MAPKAP1: variants seen among roughly 807,000 people sequenced by gnomAD.
The protein encoded by MAPKAP1 is target of rapamycin complex 2 subunit MAPKAP1.
A neutral mutation model predicts 65.7 loss-of-function variants in MAPKAP1; 20 were observed. The ratio of observed to expected loss-of-function variants is 0.30; its 90% CI spans 0.21 to 0.44. The LOEUF (loss-of-function observed/expected upper bound fraction) is 0.44, where lower values mean the gene tolerates loss of function less well. Ranked by LOEUF, MAPKAP1 falls within the 20% of genes least tolerant of loss-of-function variation. MAPKAP1 has a pLI of 1.00. For synonymous variants in MAPKAP1, 222 were observed against 244.3 expected (o/e 0.91, Z 0.85); for missense variants, 423 against 648.0 (o/e 0.65, Z 3.77).
At chr9:125,500,654 T>C (rs895927247) in intron 8 of MAPKAP1, among the ~76,000 whole-genome samples, 2 of 152,230 alleles carry the variant, frequency 1.3e-5, no homozygotes, top group African/African-American at 4.8e-5. Context: ...GGAACAATTA[T>C]TGTCTCTGGA....
intron 9 of MAPKAP1, among the ~76,000 whole-genome samples, chr9:125,468,582 C>T (rs1013645281): frequency 6.6e-6 from 1 of 152,228 alleles, no homozygotes; most frequent in Non-Finnish European, 1.5e-5. Flanking sequence ...TACCAATGAA[C>T]AGCTTCTGAT....
intron 5 of MAPKAP1, among the ~76,000 whole-genome samples, chr9:125,579,948 A>T (rs1447497279): frequency 6.6e-6 from 1 of 152,206 alleles, no homozygotes; most frequent in East Asian, 1.9e-4. Flanking sequence ...ACTATTTAAA[A>T]ATGTCATATA....
chr9:125,601,013 G>T (rs1025583177), intron 4 of MAPKAP1, among the ~76,000 whole-genome samples: 52 of 151,692 alleles, frequency 3.4e-4, no homozygotes, highest in African/African-American at 6.8e-4. Flanking sequence ...GTAAAAATTG[G>T]TTTTTTTTAA....
rs1013390071 is a variant in MAPKAP1 at position 125,704,728 on chromosome 9, A to C, written c.-70+2243T>G. Among the ~76,000 whole-genome samples, 10 of 152,286 alleles carry C rather than the reference A, an allele frequency of 6.6e-5. No individual in the cohort carries two copies. The East Asian group carries it at 1.2e-3, about 18-fold the overall frequency. On this transcript the variant is annotated intron_variant, in intron 1 of 11. Coordinates refer to ENST00000265960, the MANE Select transcript of MAPKAP1 (RefSeq NM_001006617.3). ...TTACGTCCTTGTACCCTGCTAAAAG[A>C]AGCAATGACTTGCATGACTCAGGCT...
At chr9:125,504,612 C>T (rs1459562493) in intron 8 of MAPKAP1, among the ~76,000 whole-genome samples, 3 of 151,874 alleles carry the variant, frequency 2.0e-5, no homozygotes, top group Non-Finnish European at 2.9e-5. Flanking sequence ...TCCACCTCTA[C>T]TAAAAATAAA....
intron 4 of MAPKAP1, among the ~76,000 whole-genome samples, chr9:125,631,831 C>G (rs1287863203): frequency 6.6e-6 from 1 of 152,168 alleles, no homozygotes; most frequent in African/African-American, 2.4e-5. Flanking sequence ...CTAACCTCCT[C>G]CCATCCTTCA....
chr9:125,585,672 G>A lies in MAPKAP1; in HGVS notation c.554C>T (p.Ser185Leu), dbSNP rs777744523. The A allele has an allele frequency of 2.1e-5, 34 of 1,614,100 alleles. No homozygotes were observed. The highest frequency in any genetic ancestry group is 1.3e-4 in the African/African-American group (10 of 74,930). ...CATTGGCAGCAGTCTGTCCTGGCTC[G>A]AGTGCAGAGGGAGGTAGACATCGAT... is the stretch of plus-strand genomic sequence containing the variant. Reference protein sequence around the residue: ...KKIDVYLPLHSSQDRLLPMTV... With the variant: ...KKIDVYLPLHLSQDRLLPMTV... The change falls in exon 5 of 12, where the codon TCG becomes TTG. Residue 185 changes from serine (S) to leucine (L), a missense_variant. Physicochemically the swap from Ser to Leu is moderately radical, Grantham distance 145. Around this residue, in one of 6 missense-constraint regions of MAPKAP1, gnomAD observed 98 missense variants for 200.5 expected, o/e 0.49. Transcript: ENST00000265960.
chr9:125,438,996 T>A lies in MAPKAP1; in HGVS notation c.1460A>T (p.Glu487Val). 1.9e-6 allele frequency: 3 copies of A among 1,613,830 alleles called. No homozygotes were observed. Among genetic ancestry groups the A allele is most frequent in the Non-Finnish European group, 2.5e-6 (3 of 1,179,966 alleles). ...AGCCCGGGCAGTGCTAGCTCGCGAT[T>A]CCAGGATGTAGTTAACCTAGAAACA... ...EIVLKVNYIL[E>V]SRASTARADY... Residue 487 changes from glutamate (E) to valine (V), a missense_variant, in exon 12 of 12, where the codon GAA (glutamate) becomes GTA (valine). Transcript: ENST00000265960.
intron 10 of MAPKAP1, among the ~76,000 whole-genome samples, chr9:125,445,383 C>T (rs192223984): frequency 3.5e-4 from 53 of 152,360 alleles, no homozygotes; most frequent in African/African-American, 1.3e-3. Flanking sequence ...AGCCTCTACA[C>T]AGGTTCTTCC....
intron 6 of MAPKAP1, 41 bp downstream of exon 6, chr9:125,559,592 T>C (rs375244279): frequency 1.2e-4 from 187 of 1,559,166 alleles, no homozygotes; most frequent in Admixed American, 2.6e-4. Flanking sequence ...GCTAGAAGGT[T>C]GGGATGAGAT....
At chr9:125,698,336 T>TATATAA (rs1835492416) in intron 1 of MAPKAP1, among the ~76,000 whole-genome samples, 1 of 112,602 alleles carries the variant, frequency 8.9e-6, no homozygotes, top group South Asian at 2.9e-4. Context: ...TATATATATA[T>TATATAA]AAAATATATA....
In MAPKAP1 at chr9:125,607,379, T is replaced by C. The variant is rs1247251247; in HGVS notation, c.499-21652A>G. ...TTCATTCCAACACTACAGCAGCTAA[T>C]ATTTATCAAACACTATAGGTCAGAT... On this transcript the variant is annotated intron_variant, in intron 4 of 11. Transcript: ENST00000265960. Among the ~76,000 whole-genome samples the C allele has an allele frequency of 3.3e-5, 5 of 152,238 alleles. No individual in the cohort carries two copies. In the South Asian group the frequency reaches 1.0e-3, roughly 32 times the overall value.
At chr9:125,520,097 A>C (rs1829577461) in intron 7 of MAPKAP1, among the ~76,000 whole-genome samples, 1 of 152,224 alleles carries the variant, frequency 6.6e-6, no homozygotes, top group Non-Finnish European at 1.5e-5. Context: ...CATGTTATGT[A>C]ATCCTGGGTA....
chr9:125,484,689 T>A (rs1444911685), intron 8 of MAPKAP1, 106 bp from the exon 9 acceptor site: 3 of 1,152,856 alleles, frequency 2.6e-6, no homozygotes, highest in African/African-American at 1.6e-5. Context: ...GCTATTTAAT[T>A]TGGAGAAGAA....
chr9:125,599,603 C>A (rs527944869), intron 4 of MAPKAP1, among the ~76,000 whole-genome samples: 1 of 128,574 alleles, frequency 7.8e-6, no homozygotes, highest in Admixed American at 9.2e-5. Context: ...AATGTAAGTC[C>A]CTTTTTTTTT....
At chr9:125,452,873 C>T (rs1479933053) in intron 10 of MAPKAP1, among the ~76,000 whole-genome samples, 1 of 151,930 alleles carries the variant, frequency 6.6e-6, no homozygotes, top group Non-Finnish European at 1.5e-5. Context: ...GCGTGGGTAA[C>T]ACAGCGGGAC....
intron 4 of MAPKAP1, among the ~76,000 whole-genome samples, chr9:125,630,820 C>T (rs986614051): frequency 6.6e-5 from 10 of 152,278 alleles, no homozygotes; most frequent in South Asian, 6.2e-4. Context: ...AGTTCTTACT[C>T]TATTAGTTCC....
intron 4 of MAPKAP1, among the ~76,000 whole-genome samples, chr9:125,602,831 C>T (rs1006515451): frequency 2.0e-5 from 3 of 152,152 alleles, no homozygotes; most frequent in African/African-American, 7.2e-5. Context: ...CTGGTGCAGC[C>T]TGGGCAACAG....
intron 9 of MAPKAP1, among the ~76,000 whole-genome samples, chr9:125,480,160 A>C (rs1379984719): frequency 2.6e-5 from 4 of 152,134 alleles, no homozygotes; most frequent in Admixed American, 6.5e-5. Flanking sequence ...GGAGGGAGAG[A>C]GGGTCTTCAA....
Sources: allele counts gnomAD v4.1 joint callset (sites outside exome capture counted in the v4.1 genomes callset), GRCh38; gene constraint gnomAD v4.1.1; regional missense constraint gnomAD v4.1.1; transcripts MANE v1.5; gene names NCBI Gene and HGNC (gene_info 2026-07-23, HGNC 2026-07-21).